Variants in OR52M1 observed in about 807,000 individuals in gnomAD.
The protein encoded by OR52M1 is olfactory receptor 52M1.
Under a neutral mutation model 1.3 loss-of-function variants are expected in OR52M1, and 2 were observed. The ratio of observed to expected loss-of-function variants is 1.59; its 90% CI spans 0.65 to 5.01. The LOEUF (loss-of-function observed/expected upper bound fraction) is 5.01. Ranked by LOEUF, OR52M1 falls within the 30% of genes most tolerant of loss-of-function variation. The pLI is 0.06. For missense variants in OR52M1, 585 were observed against 403.7 expected (o/e 1.45, Z -3.85); for synonymous variants, 234 against 151.4 (o/e 1.55, Z -4.01).
rs1398415686 is a variant in OR52M1 at position 4,545,365 on chromosome 11, C to CAGCCCATGT, written c.177_185dup (p.Met61_Tyr62insTer). 5 of 1,614,100 alleles carry CAGCCCATGT rather than the reference C, an allele frequency of 3.1e-6. No homozygotes were observed. The highest frequency in any genetic ancestry group is 4.2e-6 in the Non-Finnish European group (5 of 1,179,972). The stretch of plus-strand genomic sequence containing the variant: ...GGTAAAGATAGAACGCAGCCTGCAC[C>CAGCCCATGT]AGCCCATGTACTTTTTCTTGTGCAT... On this transcript the variant is annotated stop_gained and inframe_insertion, in exon 1 of 1. Coordinates refer to ENST00000360213, the MANE Select transcript of OR52M1 (RefSeq NM_001004137.1). LOFTEE classifies it high-confidence loss of function.
rs1460963582 is a variant in OR52M1 at position 4,545,740 on chromosome 11, C to A, written c.550C>A (p.His184Asn). The A allele has an allele frequency of 9.9e-6, 16 of 1,614,002 alleles. No individual in the cohort carries two copies. Among genetic ancestry groups the A allele is most frequent in the Non-Finnish European group, 1.4e-5 (16 of 1,179,930 alleles). The change falls in exon 1 of 1, where the codon CAC becomes AAC. Residue 184 changes from histidine to asparagine, a missense_variant. His to Asn is a moderately conservative substitution (Grantham distance 68). Transcript: ENST00000360213. ...TGTTATCTCCCACTCCTACTGTGAG[C>A]ACATGGCTGTAGTTGCCTTGACATG... Reference protein sequence around the residue: ...THVISHSYCEHMAVVALTCGD... With the variant: ...THVISHSYCENMAVVALTCGD...
Position 4,546,117 on chromosome 11 carries a change from A to G in OR52M1, c.927A>G (p.Ile309Met), listed in dbSNP as rs1387951801. The G allele has an allele frequency of 9.4e-6, 15 of 1,603,370 alleles. No homozygotes were observed. Among genetic ancestry groups the G allele is most frequent in the Non-Finnish European group, 1.2e-5 (14 of 1,173,524 alleles). ...TKQIRESLLQ[I>M]PRIEMKIR ...AGATCCGAGAGAGCCTTCTCCAAAT[A>G]CCAAGGATAGAAATGAAGATTAGAT... Residue 309 changes from isoleucine (I) to methionine (M), a missense_variant, in exon 1 of 1, where the codon ATA becomes ATG. Transcript: ENST00000360213.
rs991109848 is a variant in OR52M1, at chr11:4,545,639, C to T, written c.449C>T (p.Ser150Phe). The T allele has an allele frequency of 6.2e-7, 1 of 1,613,616 alleles. No homozygotes were observed. Among genetic ancestry groups the T allele is most frequent in the Non-Finnish European group, 8.5e-7 (1 of 1,179,804 alleles). Residue 150 changes from serine (S) to phenylalanine (F), a missense_variant, in exon 1 of 1, where the codon TCT (serine) becomes TTT (phenylalanine). Transcript: ENST00000360213. ...YTVVGRLGLV[S>F]LLRGVLYIGP... ...GTGGTGGGTCGTTTGGGGCTTGTTT[C>T]TCTCCTCCGGGGTGTTCTCTACATT...
chr11:4,545,942 T>A lies in OR52M1; in HGVS notation c.752T>A (p.Ile251Asn). 5 of 1,614,064 alleles carry A rather than the reference T, an allele frequency of 3.1e-6. No homozygotes were observed. Among genetic ancestry groups the A allele is most frequent in the Non-Finnish European group, 4.2e-6 (5 of 1,179,998 alleles). Residue 251 changes from isoleucine (I) to asparagine (N), a missense_variant, in exon 1 of 1, where the codon ATC becomes AAC. Transcript: ENST00000360213. ...LGTCASHLCAILIFYVPIAVS... is the reference protein window; with the variant it reads ...LGTCASHLCANLIFYVPIAVS... ...ACATGCGCTTCTCACCTCTGTGCCA[T>A]CCTGATCTTTTATGTTCCCATTGCT...
In OR52M1 at chr11:4,545,481, C is replaced by A. The variant is rs2709182; in HGVS notation, c.291C>A (p.Asp97Glu). The A allele has an allele frequency of 5.8e-5, 93 of 1,613,876 alleles. No individual in the cohort carries two copies. The highest frequency in any genetic ancestry group is 6.5e-5 in the Non-Finnish European group (77 of 1,179,958). Residue 97 changes from aspartate (D) to glutamate (E), a missense_variant, in exon 1 of 1, where the codon GAC (aspartate) becomes GAA (glutamate). Physicochemically the swap from Asp to Glu is conservative, Grantham distance 45. Coordinates refer to ENST00000360213, the MANE Select transcript of OR52M1 (RefSeq NM_001004137.1). Reference sequence around the variant, plus strand: ...TCGGTGCTTGTGACATTGGCCTGGACGCCTGCTTGGGCCAAATGTTCCTTA... The same window carrying A: ...TCGGTGCTTGTGACATTGGCCTGGAAGCCTGCTTGGGCCAAATGTTCCTTA... Reference protein sequence around the residue: ...FWFGACDIGLDACLGQMFLIH... With the variant: ...FWFGACDIGLEACLGQMFLIH...
Position 4,545,737 on chromosome 11 carries a change from G to GA in OR52M1, c.548dup (p.His184AlafsTer16), listed in dbSNP as rs1201140540. 3 of 1,614,002 alleles carry GA rather than the reference G, an allele frequency of 1.9e-6. No homozygotes were observed. Among genetic ancestry groups the GA allele is most frequent in the Admixed American group, 3.3e-5 (2 of 60,026 alleles). ...CCATGTTATCTCCCACTCCTACTGTGAGCACATGGCTGTAGTTGCCTTGAC... is the reference window on the plus strand; with the variant it reads ...CCATGTTATCTCCCACTCCTACTGTGAAGCACATGGCTGTAGTTGCCTTGAC... On this transcript the variant is annotated frameshift_variant, in exon 1 of 1. Transcript: ENST00000360213. LOFTEE classifies it low-confidence loss of function (END_TRUNC).
In OR52M1 at chr11:4,546,055, A is replaced by C; in HGVS notation, c.865A>C (p.Ile289Leu). The change falls in exon 1 of 1, where the codon ATC (isoleucine) becomes CTC (leucine). Residue 289 changes from isoleucine (I) to leucine (L), a missense_variant. By Grantham distance (5) the Ile-to-Leu change is conservative (BLOSUM62 2). Coordinates refer to ENST00000360213, the MANE Select transcript of OR52M1 (RefSeq NM_001004137.1). ...CAACTTCTATCTCCTCATTCCTCCAATCCTCAATCCCATTGTCTATGCTGT... is the reference window on the plus strand; with the variant it reads ...CAACTTCTATCTCCTCATTCCTCCACTCCTCAATCCCATTGTCTATGCTGT... ...LANFYLLIPP[I>L]LNPIVYAVRT... The C allele has an allele frequency of 2.5e-6, 4 of 1,613,864 alleles. No homozygotes were observed. The highest frequency in any genetic ancestry group is 3.4e-6 in the Non-Finnish European group (4 of 1,179,930).
chr11:4,546,057 C>A lies in OR52M1; in HGVS notation c.867C>A (p.Ile289=), dbSNP rs1654502510. 1.9e-6 allele frequency: 3 copies of A among 1,613,964 alleles called. No homozygotes were observed. The highest frequency in any genetic ancestry group is 2.7e-5 in the African/African-American group (2 of 74,926). ...ACTTCTATCTCCTCATTCCTCCAAT[C>A]CTCAATCCCATTGTCTATGCTGTTC... ...LANFYLLIPP[I]LNPIVYAVRT... Residue 289 remains isoleucine (I), a synonymous_variant, in exon 1 of 1, where the codon ATC becomes ATA. Coordinates refer to ENST00000360213, the MANE Select transcript of OR52M1 (RefSeq NM_001004137.1).
At position 4,545,865 on chromosome 11, in the gene OR52M1, C is replaced by T. The variant is rs1310177437; in HGVS notation, c.675C>T (p.Phe225=). Residue 225 remains phenylalanine (F), a synonymous_variant, in exon 1 of 1, where the codon TTC becomes TTT. Coordinates refer to ENST00000360213, the MANE Select transcript of OR52M1 (RefSeq NM_001004137.1). The stretch of plus-strand genomic sequence containing the variant: ...TTGCTGCATCCTATGTGATGATTTT[C>T]AGGGCCGTGATGGGGTTAGCCACTC... ...VAIAASYVMI[F]RAVMGLATPE... 3.1e-6 allele frequency: 5 copies of T among 1,613,980 alleles called. No homozygotes were observed. The highest frequency in any genetic ancestry group is 2.2e-5 in the East Asian group (1 of 44,886).
At position 4,545,310 on chromosome 11, in the gene OR52M1, T is replaced by G; in HGVS notation, c.120T>G (p.Ala40=). 6.2e-7 allele frequency: 1 copy of G among 1,614,146 alleles called. No individual in the cohort carries two copies. The highest frequency in any genetic ancestry group is 8.5e-7 in the Non-Finnish European group (1 of 1,180,010). Residue 40 remains alanine (A), a synonymous_variant, in exon 1 of 1, where the codon GCT becomes GCG. Coordinates refer to ENST00000360213, the MANE Select transcript of OR52M1 (RefSeq NM_001004137.1). The part of the protein sequence containing the change: ...SIPFGSMYLV[A]VVGNVTILAV... ...CCTTTGGCTCCATGTACCTGGTGGC[T>G]GTGGTGGGGAATGTGACCATCCTGG... is the stretch of plus-strand genomic sequence containing the variant.
In OR52M1 at chr11:4,545,425, A is replaced by C. The variant is rs138108997; in HGVS notation, c.235A>C (p.Thr79Pro). ...CATTGACCTGGTTCTGTCTACTTCC[A>C]CTATACCCAAACTTCTGGGAATCTT... ...AAIDLVLSTS[T>P]IPKLLGIFWF... Residue 79 changes from threonine to proline, a missense_variant, in exon 1 of 1, where the codon ACT becomes CCT. By Grantham distance (38) the Thr-to-Pro change is conservative (BLOSUM62 -1). Coordinates refer to ENST00000360213, the MANE Select transcript of OR52M1 (RefSeq NM_001004137.1). The C allele has an allele frequency of 1.7e-4, 275 of 1,614,118 alleles. No individual in the cohort carries two copies. The African/African-American group carries it at 2.9e-3, about 17-fold the overall frequency.
In OR52M1 at chr11:4,545,847, A is replaced by G. The variant is rs749505732; in HGVS notation, c.657A>G (p.Ala219=). 8 of 1,614,112 alleles carry G rather than the reference A, an allele frequency of 5.0e-6. No individual in the cohort carries two copies. The highest frequency in any genetic ancestry group is 1.3e-5 in the African/African-American group (1 of 75,010). Residue 219 remains alanine (A), a synonymous_variant, in exon 1 of 1, where the codon GCA becomes GCG. Coordinates refer to ENST00000360213, the MANE Select transcript of OR52M1 (RefSeq NM_001004137.1). ...TCCTGGACTCAGTGGCTATTGCTGC[A>G]TCCTATGTGATGATTTTCAGGGCCG... The part of the protein sequence containing the change: ...VLILDSVAIA[A]SYVMIFRAVM...
At position 4,546,104 on chromosome 11, in the gene OR52M1, G is replaced by A. The variant is rs1379815080; in HGVS notation, c.914G>A (p.Ser305Asn). Residue 305 changes from serine to asparagine, a missense_variant, in exon 1 of 1, where the codon AGC becomes AAC. Ser to Asn is a conservative substitution (Grantham distance 46, BLOSUM62 1). Coordinates refer to ENST00000360213, the MANE Select transcript of OR52M1 (RefSeq NM_001004137.1). ...YAVRTKQIRE[S>N]LLQIPRIEMK... ...GTTCGCACCAAGCAGATCCGAGAGAGCCTTCTCCAAATACCAAGGATAGAA... is the reference window on the plus strand; with the variant it reads ...GTTCGCACCAAGCAGATCCGAGAGAACCTTCTCCAAATACCAAGGATAGAA... 1.2e-6 allele frequency: 2 copies of A among 1,610,468 alleles called. No homozygotes were observed. The highest frequency in any genetic ancestry group is 1.1e-5 in the South Asian group (1 of 90,394).
At position 4,545,632 on chromosome 11, in the gene OR52M1, C is replaced by T. The variant is rs1846944457; in HGVS notation, c.442C>T (p.Leu148Phe). 6.2e-7 allele frequency: 1 copy of T among 1,613,602 alleles called. No homozygotes were observed. The highest frequency in any genetic ancestry group is 8.5e-7 in the Non-Finnish European group (1 of 1,179,778). ...LTYTVVGRLG[L>F]VSLLRGVLYI... ...TTATACAGTGGTGGGTCGTTTGGGG[C>T]TTGTTTCTCTCCTCCGGGGTGTTCT... Residue 148 changes from leucine to phenylalanine, a missense_variant, in exon 1 of 1, where the codon CTT becomes TTT. Physicochemically the swap from Leu to Phe is conservative, Grantham distance 22. Coordinates refer to ENST00000360213, the MANE Select transcript of OR52M1 (RefSeq NM_001004137.1).
chr11:4,545,999 G>A lies in OR52M1; in HGVS notation c.809G>A (p.Cys270Tyr). 1 of 1,614,018 alleles carries A rather than the reference G, an allele frequency of 6.2e-7. No homozygotes were observed. The highest frequency in any genetic ancestry group is 8.5e-7 in the Non-Finnish European group (1 of 1,180,010). The part of the protein sequence containing the change: ...VSSLIHRFGQ[C>Y]VPPPVHTLLA... ...TCCCTGATTCACCGATTTGGTCAGT[G>A]TGTGCCTCCTCCAGTCCACACTCTG... Residue 270 changes from cysteine (C) to tyrosine (Y), a missense_variant, in exon 1 of 1, where the codon TGT becomes TAT. Cys to Tyr is a radical substitution (Grantham distance 194). Coordinates refer to ENST00000360213, the MANE Select transcript of OR52M1 (RefSeq NM_001004137.1).
rs1846953576 is a variant in OR52M1, at chr11:4,546,072, C to T, written c.882C>T (p.Val294=). Residue 294 remains valine (V), a synonymous_variant, in exon 1 of 1, where the codon GTC becomes GTT. Transcript: ENST00000360213. ...LLIPPILNPI[V]YAVRTKQIRE... Reference sequence around the variant, plus strand: ...TTCCTCCAATCCTCAATCCCATTGTCTATGCTGTTCGCACCAAGCAGATCC... The same window carrying T: ...TTCCTCCAATCCTCAATCCCATTGTTTATGCTGTTCGCACCAAGCAGATCC... 6.2e-7 allele frequency: 1 copy of T among 1,614,006 alleles called. No individual in the cohort carries two copies. The highest frequency in any genetic ancestry group is 8.5e-7 in the Non-Finnish European group (1 of 1,179,944).
rs1564846345 is a variant in OR52M1, at chr11:4,546,102, G to A, written c.912G>A (p.Glu304=). 1 of 1,611,030 alleles carries A rather than the reference G, an allele frequency of 6.2e-7. No individual in the cohort carries two copies. The highest frequency in any genetic ancestry group is 8.5e-7 in the Non-Finnish European group (1 of 1,178,716). ...CTGTTCGCACCAAGCAGATCCGAGA[G>A]AGCCTTCTCCAAATACCAAGGATAG... is the stretch of plus-strand genomic sequence containing the variant. ...VYAVRTKQIR[E]SLLQIPRIEM... Residue 304 remains glutamate (E), a synonymous_variant, in exon 1 of 1, where the codon GAG becomes GAA. Transcript: ENST00000360213.
chr11:4,545,415 G>A lies in OR52M1; in HGVS notation c.225G>A (p.Leu75=). 1 of 1,614,178 alleles carries A rather than the reference G, an allele frequency of 6.2e-7. No individual in the cohort carries two copies. The highest frequency in any genetic ancestry group is 8.5e-7 in the Non-Finnish European group (1 of 1,180,002). ...TGTTGGCTGCCATTGACCTGGTTCT[G>A]TCTACTTCCACTATACCCAAACTTC... ...LCMLAAIDLV[L]STSTIPKLLG... The change falls in exon 1 of 1, where the codon CTG becomes CTA. Residue 75 remains leucine (L), a synonymous_variant. Coordinates refer to ENST00000360213, the MANE Select transcript of OR52M1 (RefSeq NM_001004137.1).
Position 4,545,650 on chromosome 11 carries a change from G to A in OR52M1, c.460G>A (p.Gly154Ser), listed in dbSNP as rs776106570. Residue 154 changes from glycine (G) to serine (S), a missense_variant, in exon 1 of 1, where the codon GGT becomes AGT. Gly to Ser is a moderately conservative substitution (Grantham distance 56, BLOSUM62 0). Transcript: ENST00000360213. ...GRLGLVSLLR[G>S]VLYIGPLPLM... The stretch of plus-strand genomic sequence containing the variant: ...TTTGGGGCTTGTTTCTCTCCTCCGG[G>A]GTGTTCTCTACATTGGACCTCTGCC... 1.8e-5 allele frequency: 29 copies of A among 1,613,314 alleles called. No individual in the cohort carries two copies. The highest frequency in any genetic ancestry group is 2.4e-5 in the Non-Finnish European group (28 of 1,179,720).
Sources: gnomAD v4.1 joint callset for allele counts on GRCh38, gnomAD v4.1.1 for gene constraint, MANE v1.5 for transcripts, NCBI Gene and HGNC (gene_info 2026-07-23, HGNC 2026-07-21) for gene names.